RCAN2: variants seen among roughly 807,000 people sequenced by gnomAD.
The protein encoded by RCAN2 is calcipressin-2.
In RCAN2, 9 loss-of-function variants were observed where a neutral mutation model predicts 23.6. The ratio of observed to expected loss-of-function variants is 0.38; its 90% confidence interval spans 0.23 to 0.67. RCAN2 has a LOEUF of 0.67. Ranked by LOEUF, RCAN2 falls within the 30% of genes least tolerant of loss-of-function variation. The pLI is 0.51. For missense variants in RCAN2, 273 were observed against 302.3 expected, an observed-to-expected ratio of 0.90 and a Z score of 0.72; for synonymous variants, 109 against 115.7, an observed-to-expected ratio of 0.94 and a Z score of 0.37.
intron 1 of RCAN2, among the ~76,000 whole-genome samples, chr6:46,487,173 T>C (rs940358822): frequency 1.3e-4 from 20 of 152,204 alleles, no homozygotes; most frequent in Non-Finnish European, 2.4e-4. Flanking sequence ...TTGGCAATAC[T>C]ATTTCTTTAT....
chr6:46,404,247 AGAGGGAAAT>A (rs1172016413), intron 2 of RCAN2, among the ~76,000 whole-genome samples: 1 of 152,052 alleles, frequency 6.6e-6, no homozygotes, highest in African/African-American at 2.4e-5. Flanking sequence ...TGATTTTGGA[AGAGGGAAAT>A]GAGTGCTTGT....
chr6:46,375,635 G>A (rs1167583692), intron 2 of RCAN2, among the ~76,000 whole-genome samples: 1 of 152,108 alleles, frequency 6.6e-6, no homozygotes, highest in Non-Finnish European at 1.5e-5. Flanking sequence ...ATGCTTCTAT[G>A]TCAGGGATCA....
chr6:46,243,638 G>A (rs372710179), intron 4 of RCAN2, among the ~76,000 whole-genome samples: 6 of 151,712 alleles, frequency 4.0e-5, no homozygotes, highest in South Asian at 4.2e-4. Flanking sequence ...GTGAAACCCC[G>A]TCTGTACTAA....
intron 4 of RCAN2, among the ~76,000 whole-genome samples, chr6:46,230,058 G>C (rs1460924092): frequency 6.6e-6 from 1 of 152,226 alleles, no homozygotes; most frequent in South Asian, 2.1e-4. Context: ...GACCCTGTTT[G>C]CCTGGGTATC....
chr6:46,293,161 T>C (rs1762621140), intron 2 of RCAN2, among the ~76,000 whole-genome samples: 1 of 152,220 alleles, frequency 6.6e-6, no homozygotes, highest in Non-Finnish European at 1.5e-5. Flanking sequence ...TCTTTGCTAT[T>C]GTGAATAGTG....
intron 2 of RCAN2, among the ~76,000 whole-genome samples, chr6:46,330,652 T>A (rs1400080307): frequency 6.6e-6 from 1 of 152,186 alleles, no homozygotes; most frequent in African/African-American, 2.4e-5. Context: ...GTGTTCCTTC[T>A]CTTCCTTCTT....
In RCAN2 at chr6:46,456,984, G is replaced by C. The variant is rs1328289508; in HGVS notation, c.-2-6C>G. 6.5e-7 allele frequency: 1 copy of C among 1,539,138 alleles called. No individual in the cohort carries two copies. Among genetic ancestry groups the C allele is most frequent in the Admixed American group, 2.0e-5 (1 of 50,900 alleles). On this transcript the variant is annotated splice_polypyrimidine_tract_variant and splice_region_variant and intron_variant, in intron 1 of 4. Transcript: ENST00000371374. ...GTATGATTCTCCCCTCATTCCTGGG[G>C]ATACAAAGATGAGCATGTGTTACTG...
chr6:46,328,857 C>T (rs1010740611), intron 2 of RCAN2, among the ~76,000 whole-genome samples: 4 of 152,334 alleles, frequency 2.6e-5, no homozygotes, highest in Middle Eastern at 3.4e-3. Context: ...GATCCGCCCA[C>T]GCTGGCCTCC....
At chr6:46,229,287 T>G (rs929999183) in intron 4 of RCAN2, among the ~76,000 whole-genome samples, 6 of 152,196 alleles carry the variant, frequency 3.9e-5, no homozygotes, top group Non-Finnish European at 7.3e-5. Flanking sequence ...TGTGGCGTTC[T>G]CTGTATTTCC....
At chr6:46,224,112 G>A (rs1222883822) in intron 4 of RCAN2, among the ~76,000 whole-genome samples, 1 of 152,136 alleles carries the variant, frequency 6.6e-6, no homozygotes, top group Non-Finnish European at 1.5e-5. Flanking sequence ...AAGGACTATG[G>A]CATCAAATGG....
At chr6:46,416,419 A>C (rs1289908721) in intron 2 of RCAN2, among the ~76,000 whole-genome samples, 1 of 150,556 alleles carries the variant, frequency 6.6e-6, no homozygotes, top group Non-Finnish European at 1.5e-5. Context: ...TTAAAGTTTC[A>C]TTTTTAATAT....
intron 1 of RCAN2, among the ~76,000 whole-genome samples, chr6:46,474,981 T>C (rs1768673144): frequency 6.6e-6 from 1 of 152,256 alleles, no homozygotes; most frequent in South Asian, 2.1e-4. Flanking sequence ...GAAGTTGCTG[T>C]ATGCATTTTT....
chr6:46,380,673 G>C (rs1378564887), intron 2 of RCAN2, among the ~76,000 whole-genome samples: 2 of 152,102 alleles, frequency 1.3e-5, no homozygotes, highest in Non-Finnish European at 1.5e-5. Context: ...CACTGGTCTA[G>C]GACTAAAGAA....
intron 2 of RCAN2, among the ~76,000 whole-genome samples, chr6:46,262,099 AT>A (rs1319698276): frequency 2.0e-5 from 3 of 151,954 alleles, no homozygotes; most frequent in Non-Finnish European, 2.9e-5. Context: ...CCCATATTCA[AT>A]TGTTTTGCTG....
At chr6:46,471,403 G>C (rs1006363251) in intron 1 of RCAN2, among the ~76,000 whole-genome samples, 1 of 152,198 alleles carries the variant, frequency 6.6e-6, no homozygotes, top group Non-Finnish European at 1.5e-5. Flanking sequence ...GAATCAGTAG[G>C]AACTTGAGTC....
chr6:46,479,553 C>T (rs1218474617), intron 1 of RCAN2, among the ~76,000 whole-genome samples: 2 of 150,234 alleles, frequency 1.3e-5, no homozygotes, highest in Non-Finnish European at 2.9e-5. Flanking sequence ...AATGCTCCCA[C>T]TACCTGCCGT....
chr6:46,470,661 T>C (rs1768533632), intron 1 of RCAN2, among the ~76,000 whole-genome samples: 1 of 152,244 alleles, frequency 6.6e-6, no homozygotes, highest in Non-Finnish European at 1.5e-5. Flanking sequence ...ATTTTTTATA[T>C]TTCTTAAAAC....
intron 2 of RCAN2, among the ~76,000 whole-genome samples, chr6:46,263,513 A>ATGTGTGTG (rs1267211253): frequency 3.4e-4 from 19 of 56,326 alleles, no homozygotes; most frequent in Admixed American, 4.7e-4. Flanking sequence ...ATGTGTGTGT[A>ATGTGTGTG]TGTGTGTATG....
intron 2 of RCAN2, among the ~76,000 whole-genome samples, chr6:46,251,558 T>C (rs934367841): frequency 6.6e-6 from 1 of 152,176 alleles, no homozygotes; most frequent in Admixed American, 6.5e-5. Context: ...GCTTGGGCCA[T>C]TAAGTCTAGC....
Sources: allele counts gnomAD v4.1 joint callset (sites outside exome capture counted in the v4.1 genomes callset), GRCh38; gene constraint gnomAD v4.1.1; transcripts MANE v1.5; gene names NCBI Gene and HGNC (gene_info 2026-07-23, HGNC 2026-07-21).